Variants in IBTK observed in about 807,000 individuals in gnomAD.
IBTK encodes the protein BTK-binding protein.
In IBTK, 83 loss-of-function variants were observed where a neutral mutation model predicts 154.9. That is an observed-to-expected ratio of 0.54 (90% CI 0.45 to 0.64). IBTK has a LOEUF of 0.64. Among genes scored for constraint, IBTK ranks in the 30% least tolerant of loss-of-function variants. The pLI is 0.00. For synonymous variants in IBTK, 515 were observed against 536.1 expected (o/e 0.96, Z 0.54); for missense variants, 1,332 against 1,584.6 (o/e 0.84, Z 2.71).
At chr6:82,184,105 A>G (rs1287528207) in intron 25 of IBTK, among the ~76,000 whole-genome samples, 2 of 152,246 alleles carry the variant, frequency 1.3e-5, no homozygotes, top group Non-Finnish European at 2.9e-5. Context: ...ATTGACAAAC[A>G]GATTTCTTCA....
intron 16 of IBTK, among the ~76,000 whole-genome samples, chr6:82,207,801 A>G (rs919088442): frequency 3.3e-5 from 5 of 152,206 alleles, no homozygotes; most frequent in Non-Finnish European, 7.4e-5. Flanking sequence ...GATTTTTGAC[A>G]AAGGTGCTAA....
At chr6:82,182,329 C>T (rs1032331458) in intron 25 of IBTK, among the ~76,000 whole-genome samples, 12 of 150,998 alleles carry the variant, frequency 7.9e-5, no homozygotes, top group Non-Finnish European at 1.3e-4. Context: ...TAGGTAAGTT[C>T]GGCAAAAGAA....
rs965771105 is a variant in IBTK, at chr6:82,193,154, T to G, written c.3339-1275A>C. Among the ~76,000 whole-genome samples the G allele has an allele frequency of 2.0e-5, 3 of 152,302 alleles. No homozygotes were observed. In the South Asian group the frequency reaches 6.2e-4, roughly 32 times the overall value. On this transcript the variant is annotated intron_variant, in intron 23 of 28. Coordinates refer to ENST00000306270, the MANE Select transcript of IBTK (RefSeq NM_015525.4). ...TAAAGGGAACCTGTTTCCTGTACTT[T>G]TTTTCTTTCATCAAAAACAAATTCT...
chr6:82,234,647 C>G (rs1770649537), intron 2 of IBTK, among the ~76,000 whole-genome samples: 1 of 151,758 alleles, frequency 6.6e-6, no homozygotes, highest in African/African-American at 2.4e-5. Flanking sequence ...ACTTCCTATT[C>G]TTATGTATCA....
intron 2 of IBTK, among the ~76,000 whole-genome samples, chr6:82,238,558 C>T (rs1770821048): frequency 6.6e-6 from 1 of 152,030 alleles, no homozygotes; most frequent in Non-Finnish European, 1.5e-5. Flanking sequence ...CTGCCTCAGC[C>T]TCCCAAGTAG....
intron 7 of IBTK, among the ~76,000 whole-genome samples, 185 bp from the exon 8 acceptor site, chr6:82,223,805 C>A (rs1186972923): frequency 6.6e-6 from 1 of 152,008 alleles, no homozygotes; most frequent in South Asian, 2.1e-4. Context: ...CAAAAAATAG[C>A]CCAGCATGGT....
rs900960043 is a variant in IBTK, at chr6:82,219,049, A to G, written c.1249-912T>C. 2.0e-5 allele frequency among the ~76,000 whole-genome samples: 3 copies of G among 152,174 alleles called. No homozygotes were observed. The South Asian group carries it at 6.2e-4, about 31-fold the overall frequency. The stretch of plus-strand genomic sequence containing the variant: ...ATCCCAAAATCAAATATAAGTTTTT[A>G]TACTCAACTCTTTTATGTAACCCCA... On this transcript the variant is annotated intron_variant, in intron 9 of 28. Coordinates refer to ENST00000306270, the MANE Select transcript of IBTK (RefSeq NM_015525.4).
chr6:82,211,027 A>T, intron 15 of IBTK, 117 bp from the exon 16 acceptor site: 1 of 496,128 alleles, frequency 2.0e-6, no homozygotes, highest in Non-Finnish European at 3.5e-6. Flanking sequence ...TCAAATGCAA[A>T]ACATAAAATT....
At chr6:82,187,575 C>T (rs1351993108) in intron 25 of IBTK, among the ~76,000 whole-genome samples, 1 of 151,718 alleles carries the variant, frequency 6.6e-6, no homozygotes. Flanking sequence ...TGAAGGATAG[C>T]AAAAGAGATG....
intron 26 of IBTK, among the ~76,000 whole-genome samples, chr6:82,179,077 G>A (rs190623305): frequency 2.2e-4 from 34 of 152,356 alleles, no homozygotes; most frequent in South Asian, 4.1e-4. Flanking sequence ...CCAGTCAGGA[G>A]GGTAACTCTG....
At chr6:82,246,628 G>A (rs1182234082) in intron 1 of IBTK, among the ~76,000 whole-genome samples, 1 of 151,888 alleles carries the variant, frequency 6.6e-6, no homozygotes. Context: ...AGTAAACTCT[G>A]GTTTGACTAA....
At chr6:82,236,369 T>C (rs911861077) in intron 2 of IBTK, among the ~76,000 whole-genome samples, 8 of 152,230 alleles carry the variant, frequency 5.3e-5, no homozygotes, top group Non-Finnish European at 5.9e-5. Context: ...TTAATCCATA[T>C]AACCTATGAT....
intron 8 of IBTK, 26 bp downstream of exon 8, chr6:82,223,414 C>A: frequency 6.5e-7 from 1 of 1,543,434 alleles, no homozygotes; most frequent in East Asian, 2.3e-5. Context: ...ATTAAAATTA[C>A]GTTTCTTTCA....
chr6:82,225,674 A>C (rs1488759226), intron 5 of IBTK, 27 bp from the exon 6 acceptor site: 1 of 1,533,694 alleles, frequency 6.5e-7, no homozygotes, highest in East Asian at 2.3e-5. Context: ...ACTTTAGTAT[A>C]CTACATTAAC....
intron 25 of IBTK, among the ~76,000 whole-genome samples, chr6:82,182,699 T>C (rs1007669029): frequency 3.9e-5 from 6 of 152,092 alleles, no homozygotes; most frequent in East Asian, 1.9e-4. Flanking sequence ...TTTAGGCACA[T>C]AATAAATAAA....
intron 1 of IBTK, 29 bp downstream of exon 1, chr6:82,247,533 C>T (rs1176109938): frequency 2.5e-6 from 1 of 398,908 alleles, no homozygotes; most frequent in African/African-American, 2.1e-5. Flanking sequence ...CCGCACCGCA[C>T]GGTCGGGCAG....
intron 7 of IBTK, 22 bp from the exon 8 acceptor site, chr6:82,223,642 C>G (rs772557199): frequency 8.8e-6 from 14 of 1,597,248 alleles, no homozygotes; most frequent in Non-Finnish European, 2.6e-6. Context: ...TACAAATAAG[C>G]AAATCACAAA....
chr6:82,185,479 A>C (rs1039285888), intron 25 of IBTK, among the ~76,000 whole-genome samples: 1 of 151,578 alleles, frequency 6.6e-6, no homozygotes, highest in African/African-American at 2.4e-5. Context: ...GCTTCAGTCC[A>C]GGAGGTCAAG....
intron 25 of IBTK, 24 bp downstream of exon 25, chr6:82,191,049 A>G (rs1436018907): frequency 1.4e-6 from 2 of 1,473,814 alleles, no homozygotes; most frequent in Admixed American, 2.9e-5. Context: ...ATCTATATTA[A>G]TTTTAATAAA....
Sources: allele counts gnomAD v4.1 joint callset (sites outside exome capture counted in the v4.1 genomes callset), GRCh38; gene constraint gnomAD v4.1.1; transcripts MANE v1.5; gene names NCBI Gene and HGNC (gene_info 2026-07-23, HGNC 2026-07-21).